The following CES4A variants were observed in gnomAD, a reference collection of about 807,000 sequenced individuals.
CES4A encodes the protein carboxylesterase 6.
In CES4A, 48 loss-of-function variants were observed where a neutral mutation model predicts 65.4. The observed-to-expected ratio is 0.73, with a 90% confidence interval of 0.58 to 0.93. The LOEUF (loss-of-function observed/expected upper bound fraction) is 0.93. Ranked by LOEUF, CES4A falls within the 40% of genes least tolerant of loss-of-function variation. The pLI is 0.00. For missense variants in CES4A, 685 were observed against 728.5 expected (o/e 0.94, Z 0.69); for synonymous variants, 247 against 281.8 (o/e 0.88, Z 1.24).
intron 10 of CES4A, 126 bp from the exon 11 acceptor site, chr16:67,005,114 G>A (rs1965650768): frequency 2.1e-6 from 2 of 967,628 alleles, no homozygotes; most frequent in Admixed American, 2.1e-5. Flanking sequence ...TTCCCAGGAA[G>A]CTCCCTTTCT....
At chr16:67,008,988 G>A (rs767059631) in exon 14 of CES4A, 3 of 1,612,600 alleles carry the variant, frequency 1.9e-6, no homozygotes, top group South Asian at 1.1e-5. Context: ...CCCAATGATG[G>A]GAATCTGCCC....
At chr16:67,005,154 GC>G in intron 10 of CES4A, 85 bp from the exon 11 acceptor site, 1 of 1,401,292 alleles carries the variant, frequency 7.1e-7, no homozygotes, top group Non-Finnish European at 1.0e-6. Context: ...CTCCTGGGGG[GC>G]TGAGCATGGA....
intron 13 of CES4A, chr16:67,008,262 C>T (rs1451173861): frequency 1.3e-5 from 2 of 152,368 alleles, no homozygotes; most frequent in Non-Finnish European, 2.9e-5. Flanking sequence ...AGTCACTCTC[C>T]TGTTTAAAAC....
At position 67,005,230 on chromosome 16, in the gene CES4A, C is replaced by T. The variant is rs1294568095; in HGVS notation, c.1162-10C>T. ...CCCAGGCCTCAGGTAAGTGTGGCCT[C>T]CTCACTCAGAATATCACCAAGGAGC... On this transcript the variant is annotated splice_polypyrimidine_tract_variant and intron_variant, in intron 10 of 13. Coordinates refer to ENST00000648724, the Ensembl canonical transcript of CES4A. 1.2e-6 allele frequency: 2 copies of T among 1,613,924 alleles called. No individual in the cohort carries two copies. The highest frequency in any genetic ancestry group is 1.7e-5 in the Admixed American group (1 of 59,976).
At position 66,988,841 on chromosome 16, in the gene CES4A, C is replaced by T. The variant is rs1964153884; in HGVS notation, c.58+11C>T. On this transcript the variant is annotated intron_variant, in intron 1 of 13. Transcript: ENST00000648724. Reference sequence around the variant, plus strand: ...CGCAGACGGCCTTGGGTAAGACCCCCACCCCTTCCCGAGAGTGTCAGGCAA... The same window carrying T: ...CGCAGACGGCCTTGGGTAAGACCCCTACCCCTTCCCGAGAGTGTCAGGCAA... 2 of 1,558,606 alleles carry T rather than the reference C, an allele frequency of 1.3e-6. No individual in the cohort carries two copies. Among genetic ancestry groups the T allele is most frequent in the African/African-American group, 1.4e-5 (1 of 73,248 alleles).
chr16:66,990,719 GAAAGA>G (rs936556621), intron 1 of CES4A, among the ~76,000 whole-genome samples: 5 of 151,356 alleles, frequency 3.3e-5, no homozygotes, highest in African/African-American at 7.3e-5. Context: ...AAAAATAAGG[GAAAGA>G]AAAGAAAAGA....
At chr16:66,995,975 G>A (rs891287651) in intron 2 of CES4A, 146 bp downstream of exon 2, 3 of 742,890 alleles carry the variant, frequency 4.0e-6, no homozygotes, top group Non-Finnish European at 2.3e-6. Flanking sequence ...TTTCAGACCC[G>A]TATCATGAGC....
At chr16:66,992,518 A>G (rs1964475453) in intron 1 of CES4A, among the ~76,000 whole-genome samples, 1 of 152,178 alleles carries the variant, frequency 6.6e-6, no homozygotes. Context: ...GGGTGGGGCC[A>G]AGGAATACAT....
intron 11 of CES4A, chr16:67,005,703 G>A (rs1965701835): frequency 3.6e-6 from 1 of 274,306 alleles, no homozygotes; most frequent in Non-Finnish European, 6.9e-6. Flanking sequence ...AAAAAAATTA[G>A]CCAGCTGTAG....
chr16:66,989,986 T>C (rs1247324273), intron 1 of CES4A, among the ~76,000 whole-genome samples: 1 of 152,076 alleles, frequency 6.6e-6, no homozygotes, highest in East Asian at 1.9e-4. Flanking sequence ...TTATTTTAAA[T>C]TTGAAGGAAA....
intron 1 of CES4A, among the ~76,000 whole-genome samples, chr16:66,989,574 T>C (rs1201024766): frequency 6.6e-6 from 1 of 151,924 alleles, no homozygotes; most frequent in East Asian, 1.9e-4. Context: ...TTTTAAAAAG[T>C]TTTTTTAACT....
chr16:66,995,947 C>T, intron 2 of CES4A, 118 bp downstream of exon 2: 4 of 999,414 alleles, frequency 4.0e-6, no homozygotes, highest in East Asian at 2.5e-5. Context: ...AGGCCTGGGG[C>T]CCATTCTGGG....
At chr16:66,999,538 A>C (rs1196854019) in intron 2 of CES4A, among the ~76,000 whole-genome samples, 1 of 152,218 alleles carries the variant, frequency 6.6e-6, no homozygotes, top group Non-Finnish European at 1.5e-5. Context: ...ATGGTGGCTC[A>C]TGCCTATAAT....
chr16:66,988,783 T>C lies in CES4A; in HGVS notation c.11T>C (p.Ile4Thr), dbSNP rs747799684. The C allele has an allele frequency of 2.7e-5, 43 of 1,566,312 alleles. 1 individual carries two copies. The South Asian group carries it at 4.1e-4, about 15-fold the overall frequency. The stretch of plus-strand genomic sequence containing the variant: ...GGAGCTGGCTGGAGCATGAGGTGGA[T>C]TCTGTGCTGGAGCCTCACCCTCTGC... Residue 4 changes from isoleucine (I) to threonine (T), a missense_variant, in exon 1 of 14, where the codon ATT becomes ACT. Ile to Thr is a moderately conservative substitution (Grantham distance 89). Transcript: ENST00000648724.
chr16:67,006,601 C>T, intron 12 of CES4A, 82 bp downstream of exon 12: 1 of 1,561,646 alleles, frequency 6.4e-7, no homozygotes, highest in Non-Finnish European at 8.7e-7. Context: ...ATTGGCTGGC[C>T]ACAGGGAGCT....
chr16:67,002,987 G>C (rs777375543), intron 5 of CES4A, 83 bp from the exon 6 acceptor site: 1 of 1,202,812 alleles, frequency 8.3e-7, no homozygotes, highest in Non-Finnish European at 1.2e-6. Flanking sequence ...CAGGCTGCCT[G>C]CCCATGGCCA....
chr16:67,003,091 G>A lies in CES4A; in HGVS notation c.712G>A (p.Gly238Ser). The change falls in exon 6 of 14, where the codon GGT becomes AGT. Residue 238 changes from glycine to serine, a missense_variant. By Grantham distance (56) the Gly-to-Ser change is moderately conservative (BLOSUM62 0). Transcript: ENST00000648724. The surrounding 1 kb of genome is among the most constrained non-coding windows in gnomAD (Gnocchi z 4.2). The stretch of plus-strand genomic sequence containing the variant: ...GCAGATGATGTCACCCCTAGCCTCG[G>A]GTCTCTTCCATCGGGCCATTTCCCA... 1.2e-6 allele frequency: 2 copies of A among 1,614,020 alleles called. No individual in the cohort carries two copies. The highest frequency in any genetic ancestry group is 1.7e-6 in the Non-Finnish European group (2 of 1,179,976).
chr16:67,003,240 T>C lies in CES4A; in HGVS notation c.796-16T>C, dbSNP rs944521585. The C allele has an allele frequency of 6.2e-7, 1 of 1,613,738 alleles. No individual in the cohort carries two copies. The highest frequency in any genetic ancestry group is 8.5e-7 in the Non-Finnish European group (1 of 1,179,728). ...AGGATGGAAGCACCACTGAGCATCC[T>C]TTCTTCTCTCTATAGAAGGTTGCCC... On this transcript the variant is annotated splice_polypyrimidine_tract_variant and intron_variant, in intron 6 of 13. Transcript: ENST00000648724. This position sits in a 1 kb window ranked among gnomAD's most constrained non-coding sequence, Gnocchi z 4.2.
rs1965311785 is a variant in CES4A at position 67,001,205 on chromosome 16, T to C, written c.537-103T>C. ...GGGGTGTGGTCGCAGGACTGGGTCT[T>C]AGAGGGGCAAGGCTGGGCTGGGTGG... On this transcript the variant is annotated intron_variant, in intron 4 of 13. Coordinates refer to ENST00000648724, the Ensembl canonical transcript of CES4A. This position sits in a 1 kb window ranked among gnomAD's most constrained non-coding sequence, Gnocchi z 4.1. 7.0e-7 allele frequency: 1 copy of C among 1,424,956 alleles called. No homozygotes were observed. Among genetic ancestry groups the C allele is most frequent in the Non-Finnish European group, 9.3e-7 (1 of 1,076,856 alleles). The allele number at this position is 1,424,956 out of a possible 1,614,324, so 88.3% of individuals were successfully genotyped here.
Sources: gnomAD v4.1 joint callset for allele counts (sites outside exome capture counted in the v4.1 genomes callset) on GRCh38, gnomAD v4.1.1 for gene constraint, Gnocchi (gnomAD v3.1) non-coding constraint, MANE v1.5 for transcripts, NCBI Gene and HGNC (gene_info 2026-07-23, HGNC 2026-07-21) for gene names.